SCML2: variants seen among roughly 807,000 people sequenced by gnomAD.
SCML2 encodes the protein sex comb on midleg-like protein 2.
A neutral mutation model predicts 48.4 loss-of-function variants in SCML2; 6 were observed. The observed-to-expected ratio is 0.12, with a 90% CI of 0.07 to 0.24. The LOEUF (loss-of-function observed/expected upper bound fraction) is 0.24. Among genes scored for constraint, SCML2 ranks in the 10% least tolerant of loss-of-function variants. The pLI is 1.00. For synonymous variants in SCML2, 181 were observed against 189.5 expected (o/e 0.95, Z 0.37); for missense variants, 377 against 528.2 (o/e 0.71, Z 2.81).
At chrX:18,310,260 CTTTTTTTTT>C (rs773391164) in intron 6 of SCML2, among the ~76,000 whole-genome samples, 1 of 62,368 alleles carries the variant, frequency 1.6e-5, no homozygotes, top group African/African-American at 6.8e-5. Flanking sequence ...AACCACCTCC[CTTTTTTTTT>C]TTTTTTTTTT....
intron 7 of SCML2, among the ~76,000 whole-genome samples, chrX:18,279,269 A>T (rs747566823): frequency 2.0e-4 from 23 of 112,907 alleles, no homozygotes; most frequent in African/African-American, 6.7e-4. Flanking sequence ...ACGAAAAATT[A>T]TTGGGCTAAT....
chrX:18,280,237 C>T (rs1927782374), intron 7 of SCML2, among the ~76,000 whole-genome samples: 1 of 111,617 alleles, frequency 9.0e-6, no homozygotes, highest in East Asian at 2.8e-4. Context: ...GAAATTCCAA[C>T]CAAGAATCTC....
chrX:18,294,989 C>T (rs750374565), intron 7 of SCML2, among the ~76,000 whole-genome samples: 1 of 111,034 alleles, frequency 9.0e-6, no homozygotes, highest in South Asian at 3.9e-4. Flanking sequence ...CTAGCAATTA[C>T]CCCCCACCCC....
intron 8 of SCML2, 127 bp downstream of exon 8, chrX:18,265,458 G>C: frequency 1.9e-6 from 1 of 529,362 alleles, no homozygotes; most frequent in Non-Finnish European, 3.1e-6. Context: ...GCTTTCAAAA[G>C]CCTACATACT....
intron 11 of SCML2, among the ~76,000 whole-genome samples, chrX:18,252,984 G>T (rs1926717449): frequency 9.0e-6 from 1 of 111,655 alleles, no homozygotes; most frequent in African/African-American, 3.3e-5. Flanking sequence ...AGACCCACCA[G>T]GGGGTCTTTA....
intron 8 of SCML2, among the ~76,000 whole-genome samples, chrX:18,263,541 A>G (rs1453503080): frequency 4.5e-5 from 5 of 111,688 alleles, no homozygotes; most frequent in Non-Finnish European, 9.4e-5. Context: ...CCTCACCTTC[A>G]TTCTTTTTAA....
intron 7 of SCML2, among the ~76,000 whole-genome samples, chrX:18,282,325 C>T (rs773418320): frequency 9.1e-6 from 1 of 109,667 alleles, no homozygotes; most frequent in Non-Finnish European, 1.9e-5. Flanking sequence ...ATAAAAGATC[C>T]TCAGAGAATA....
chrX:18,256,619 T>C (rs780618794), intron 11 of SCML2, among the ~76,000 whole-genome samples: 2 of 112,413 alleles, frequency 1.8e-5, no homozygotes, highest in East Asian at 5.6e-4. Flanking sequence ...CTCTGTGAGG[T>C]AGTCAAAATG....
At chrX:18,354,810 C>A, upstream of SCML2, 1 of 138,964 alleles carries the variant, frequency 7.2e-6, no homozygotes, top group South Asian at 2.9e-4. Flanking sequence ...GGGCCCGAGC[C>A]GGGGTCAAGC....
chrX:18,346,322 G>A (rs1930200284), intron 1 of SCML2, among the ~76,000 whole-genome samples: 1 of 110,410 alleles, frequency 9.1e-6, no homozygotes, highest in African/African-American at 3.3e-5. Context: ...TACCATTATA[G>A]AATTCAGTTT....
intron 6 of SCML2, among the ~76,000 whole-genome samples, chrX:18,311,853 C>T (rs1928959930): frequency 8.9e-6 from 1 of 111,912 alleles, no homozygotes. Flanking sequence ...TGTAGTGTCG[C>T]AATCTCAGCT....
At chrX:18,268,670 T>C (rs1569143475) in intron 7 of SCML2, among the ~76,000 whole-genome samples, 1 of 110,251 alleles carries the variant, frequency 9.1e-6, no homozygotes, top group Non-Finnish European at 1.9e-5. Context: ...TAATGCTAGA[T>C]GACGAGTTAG....
chrX:18,247,696 AC>A, intron 12 of SCML2, 72 bp downstream of exon 12: 3 of 778,008 alleles, frequency 3.9e-6, no homozygotes, highest in Non-Finnish European at 5.6e-6. Context: ...CAATACTACC[AC>A]CCCAAGAGTA....
intron 7 of SCML2, among the ~76,000 whole-genome samples, chrX:18,268,533 A>G (rs1472740301): frequency 9.1e-6 from 1 of 110,239 alleles, no homozygotes; most frequent in East Asian, 2.9e-4. Context: ...TCATCTCAAA[A>G]AAAAAAAAAA....
chrX:18,343,686 G>A (rs1207979511), intron 1 of SCML2, among the ~76,000 whole-genome samples: 2 of 105,492 alleles, frequency 1.9e-5, no homozygotes, highest in African/African-American at 3.5e-5. Context: ...GCTTGTACCC[G>A]GGAGGCGGAG....
At chrX:18,292,262 A>G (rs775602624) in intron 7 of SCML2, among the ~76,000 whole-genome samples, 1 of 112,036 alleles carries the variant, frequency 8.9e-6, no homozygotes, top group East Asian at 2.8e-4. Flanking sequence ...TTTCTGAAAG[A>G]CCACTTGTCA....
intron 7 of SCML2, among the ~76,000 whole-genome samples, chrX:18,271,445 G>A (rs982064228): frequency 9.1e-6 from 1 of 109,374 alleles, no homozygotes; most frequent in Non-Finnish European, 1.9e-5. Context: ...GCATGTGTGT[G>A]TGTGTTTTTT....
At chrX:18,279,567 A>C (rs1410396654) in intron 7 of SCML2, among the ~76,000 whole-genome samples, 1 of 112,434 alleles carries the variant, frequency 8.9e-6, no homozygotes, top group East Asian at 2.8e-4. Context: ...CGGATGCGCA[A>C]GGAGGCTCAT....
chrX:18,281,991 C>T (rs904593891), intron 7 of SCML2, among the ~76,000 whole-genome samples: 26 of 109,461 alleles, frequency 2.4e-4, no homozygotes, highest in East Asian at 2.9e-4. Flanking sequence ...GGCGTGGTGG[C>T]GTGCACCTGT....
Sources: gnomAD v4.1 joint callset for allele counts (sites outside exome capture counted in the v4.1 genomes callset) on GRCh38, gnomAD v4.1.1 for gene constraint, MANE v1.5 for transcripts, NCBI Gene and HGNC (gene_info 2026-07-23, HGNC 2026-07-21) for gene names.